The following TSHZ2 variants were observed in gnomAD, a reference collection of about 807,000 sequenced individuals.
The protein encoded by TSHZ2 is teashirt homolog 2.
Under a neutral mutation model 74.4 loss-of-function variants are expected in TSHZ2, and 21 were observed. The observed-to-expected ratio is 0.28, with a 90% confidence interval of 0.20 to 0.41. TSHZ2 has a LOEUF of 0.41. TSHZ2 is among the 10% of genes least tolerant of loss of function. The pLI is 1.00. For missense variants in TSHZ2, 1,244 were observed against 1,293.5 expected (o/e 0.96, Z 0.59); for synonymous variants, 540 against 515.3 (o/e 1.05, Z -0.65).
At chr20:53,420,172 G>A (rs950265440) in intron 2 of TSHZ2, among the ~76,000 whole-genome samples, 1 of 152,186 alleles carries the variant, frequency 6.6e-6, no homozygotes, top group African/African-American at 2.4e-5. Context: ...AACACAGAAA[G>A]AATCAAATGC....
intron 2 of TSHZ2, among the ~76,000 whole-genome samples, chr20:53,291,993 T>TAA (rs11411553): frequency 0.047 from 6,635 of 141,216 alleles, 494 homozygotes; most frequent in African/African-American, 0.16. Context: ...GGATAGCATT[T>TAA]AAAAAAAAAA....
At chr20:53,181,059 A>T (rs956384313) in intron 1 of TSHZ2, among the ~76,000 whole-genome samples, 1 of 151,868 alleles carries the variant, frequency 6.6e-6, no homozygotes, top group Non-Finnish European at 1.5e-5. Flanking sequence ...TCTTTTTCAC[A>T]TGTTCCTCCT....
intron 1 of TSHZ2, among the ~76,000 whole-genome samples, chr20:53,064,030 T>G (rs1398076675): frequency 6.6e-6 from 1 of 152,206 alleles, no homozygotes; most frequent in African/African-American, 2.4e-5. Flanking sequence ...GGCACTTGGC[T>G]TTTAACAGCT....
intron 1 of TSHZ2, among the ~76,000 whole-genome samples, chr20:52,981,773 C>T (rs867952957): frequency 3.3e-5 from 5 of 152,188 alleles, no homozygotes; most frequent in African/African-American, 7.2e-5. Flanking sequence ...CCACCAACAA[C>T]GGTAACAATG....
chr20:53,236,797 C>T (rs1174018641), intron 1 of TSHZ2, among the ~76,000 whole-genome samples: 4 of 152,216 alleles, frequency 2.6e-5, no homozygotes, highest in Non-Finnish European at 4.4e-5. Context: ...TCCTTCTTCA[C>T]ATGGCAGCAG....
At chr20:53,033,861 C>T (rs1413157056) in intron 1 of TSHZ2, among the ~76,000 whole-genome samples, 6 of 151,592 alleles carry the variant, frequency 4.0e-5, no homozygotes, top group Admixed American at 2.6e-4. Flanking sequence ...GATTTCACCA[C>T]GTCGGCCAGG....
At chr20:53,234,410 C>T (rs1202291727) in intron 1 of TSHZ2, among the ~76,000 whole-genome samples, 2 of 152,084 alleles carry the variant, frequency 1.3e-5, no homozygotes, top group East Asian at 3.8e-4. Flanking sequence ...GCCAAAGAGA[C>T]AAAGATACCG....
At chr20:53,401,834 G>A (rs1289432246) in intron 2 of TSHZ2, among the ~76,000 whole-genome samples, 1 of 137,098 alleles carries the variant, frequency 7.3e-6, no homozygotes, top group Admixed American at 7.8e-5. Context: ...CGAGGCTGGA[G>A]TGCAGTGGTG....
chr20:53,001,492 G>A (rs1982440711), intron 1 of TSHZ2, among the ~76,000 whole-genome samples: 1 of 152,094 alleles, frequency 6.6e-6, no homozygotes, highest in Non-Finnish European at 1.5e-5. Flanking sequence ...CTAGGTAGAG[G>A]ATGAAAGGAA....
intron 2 of TSHZ2, among the ~76,000 whole-genome samples, chr20:53,443,097 C>G (rs1375641254): frequency 6.6e-6 from 1 of 152,148 alleles, no homozygotes; most frequent in African/African-American, 2.4e-5. Context: ...TTCTAAACAT[C>G]CATCACCATT....
chr20:53,464,947 T>C (rs2145822431), intron 2 of TSHZ2, among the ~76,000 whole-genome samples: 1 of 152,326 alleles, frequency 6.6e-6, no homozygotes, highest in South Asian at 2.1e-4. Flanking sequence ...GTAGACATAT[T>C]TGAGGTGCTT....
chr20:53,472,501 A>C (rs1197224996), intron 2 of TSHZ2, among the ~76,000 whole-genome samples: 1 of 152,170 alleles, frequency 6.6e-6, no homozygotes, highest in African/African-American at 2.4e-5. Flanking sequence ...GAAAGGTTTT[A>C]TTGAAGTAGT....
chr20:53,205,365 C>T (rs553382995), intron 1 of TSHZ2, among the ~76,000 whole-genome samples: 1 of 152,272 alleles, frequency 6.6e-6, no homozygotes, highest in South Asian at 2.1e-4. Flanking sequence ...CATTTAAATT[C>T]AGAAGACAGA....
chr20:53,422,265 G>C (rs1983503142), intron 2 of TSHZ2, among the ~76,000 whole-genome samples: 1 of 152,080 alleles, frequency 6.6e-6, no homozygotes, highest in Non-Finnish European at 1.5e-5. Context: ...TGAATTCAGT[G>C]ACCCAAACTT....
chr20:53,208,527 A>T (rs1989227480), intron 1 of TSHZ2: 1 of 152,202 alleles, frequency 6.6e-6, no homozygotes, highest in African/African-American at 2.4e-5. Flanking sequence ...CTCCGAGAGC[A>T]CATTTCCCAC....
chr20:53,050,189 A>G (rs944254655), intron 1 of TSHZ2, among the ~76,000 whole-genome samples: 78 of 142,430 alleles, frequency 5.5e-4, no homozygotes, highest in Middle Eastern at 7.3e-3. Context: ...ATATATATGT[A>G]TATATATATA....
intron 2 of TSHZ2, among the ~76,000 whole-genome samples, chr20:53,290,471 A>T (rs901208599): frequency 6.6e-6 from 1 of 152,152 alleles, no homozygotes; most frequent in African/African-American, 2.4e-5. Context: ...ACTACTAGAA[A>T]AAAAAGGATT....
At position 52,973,138 on chromosome 20, in the gene TSHZ2, TTGC is replaced by T. The variant is rs1056423193; in HGVS notation, c.-155_-153del. 1.1e-6 allele frequency: 1 copy of T among 893,934 alleles called. No homozygotes were observed. The highest frequency in any genetic ancestry group is 1.7e-6 in the Non-Finnish European group (1 of 602,196). 55.4% of individuals were successfully genotyped at this position (893,934 alleles called of 1,614,324 possible). A position where few individuals can be genotyped will look rare whatever the true frequency, so the allele number is the denominator to read the frequency against. ...GGGTCTCTGGCCCGTGGTGGAGGAGTTGCAGGGGGGATCGTCAGGGGGACAGAG... is the reference window on the plus strand; with the variant it reads ...GGGTCTCTGGCCCGTGGTGGAGGAGTAGGGGGGATCGTCAGGGGGACAGAG... On this transcript the variant is annotated 5_prime_UTR_variant, in exon 1 of 3. It introduces an in-frame stop codon into an upstream open reading frame of the 5' UTR. Coordinates refer to ENST00000371497, the MANE Select transcript of TSHZ2 (RefSeq NM_173485.6).
intron 1 of TSHZ2, among the ~76,000 whole-genome samples, chr20:53,176,530 C>T (rs1043737256): frequency 2.6e-5 from 4 of 152,130 alleles, no homozygotes; most frequent in Non-Finnish European, 5.9e-5. Flanking sequence ...TGCATGTTTC[C>T]TACAGCATTG....
Sources: gnomAD v4.1 joint callset for allele counts (sites outside exome capture counted in the v4.1 genomes callset) on GRCh38, gnomAD v4.1.1 for gene constraint, MANE v1.5 for transcripts, NCBI Gene and HGNC (gene_info 2026-07-23, HGNC 2026-07-21) for gene names.